Variants in MRTFB observed in about 807,000 individuals in gnomAD.
MRTFB encodes the protein myocardin related transcription factor B.
MRTFB carries 29 observed loss-of-function variants against 104.2 expected under a neutral mutation model. The observed-to-expected ratio is 0.28, with a 90% confidence interval of 0.21 to 0.38. The LOEUF (loss-of-function observed/expected upper bound fraction) is 0.38, where lower values mean the gene tolerates loss of function less well. Among genes scored for constraint, MRTFB ranks in the 10% least tolerant of loss-of-function variants. MRTFB has a pLI of 1.00. For synonymous variants in MRTFB, 535 were observed against 519.5 expected, an observed-to-expected ratio of 1.03 and a Z score of -0.41; for missense variants, 1,270 against 1,341.6, an observed-to-expected ratio of 0.95 and a Z score of 0.83.
chr16:14,080,897 A>G (rs563592558), intron 2 of MRTFB, among the ~76,000 whole-genome samples: 5 of 152,340 alleles, frequency 3.3e-5, no homozygotes, highest in African/African-American at 9.6e-5. Context: ...TTCGTTATCC[A>G]TTCATCTGTT....
At chr16:14,102,943 A>G (rs958914956) in intron 2 of MRTFB, among the ~76,000 whole-genome samples, 15 of 152,222 alleles carry the variant, frequency 9.9e-5, no homozygotes, top group African/African-American at 3.4e-4. Context: ...TGAGTGATAC[A>G]AAGTCTTGGA....
chr16:14,205,176 ATTTTCT>A (rs1477629363), intron 3 of MRTFB, among the ~76,000 whole-genome samples: 4 of 151,978 alleles, frequency 2.6e-5, no homozygotes, highest in Non-Finnish European at 5.9e-5. Context: ...ATTATCGGTG[ATTTTCT>A]TTTTTAGTTT....
intron 2 of MRTFB, among the ~76,000 whole-genome samples, chr16:14,108,201 T>C (rs1194326270): frequency 2.6e-5 from 4 of 152,190 alleles, no homozygotes; most frequent in African/African-American, 9.7e-5. Context: ...GGAGTAGTAT[T>C]GGGGTGGGTT....
chr16:14,079,012 T>G (rs2034238640), intron 1 of MRTFB, among the ~76,000 whole-genome samples: 1 of 152,206 alleles, frequency 6.6e-6, no homozygotes, highest in South Asian at 2.1e-4. Context: ...GCAGATGCTC[T>G]GAGCCTAGCA....
At chr16:14,239,404 A>G (rs1182258851) in intron 9 of MRTFB, among the ~76,000 whole-genome samples, 2 of 152,256 alleles carry the variant, frequency 1.3e-5, no homozygotes, top group East Asian at 1.9e-4. Flanking sequence ...GGATATGAAT[A>G]TAGATAATGT....
upstream of MRTFB, among the ~76,000 whole-genome samples, chr16:14,071,060 A>ACATGCG (rs564791094): frequency 7.5e-4 from 114 of 152,296 alleles, 3 homozygotes; most frequent in East Asian, 0.016. Flanking sequence ...CGAGCCCCGG[A>ACATGCG]CATGCGCATG....
intron 8 of MRTFB, among the ~76,000 whole-genome samples, chr16:14,221,627 G>A (rs1053462469): frequency 1.3e-5 from 2 of 152,082 alleles, no homozygotes; most frequent in Non-Finnish European, 1.5e-5. Flanking sequence ...CAACATACAC[G>A]TCTTGTCTTT....
At chr16:14,055,123 G>C in the MRTFB span, among the ~76,000 whole-genome samples, 1 of 152,174 alleles carries the variant, frequency 6.6e-6, no homozygotes, top group South Asian at 2.1e-4. Context: ...AGGCTGAGGC[G>C]GGTGGATCAC....
At chr16:14,015,498 A>C in the MRTFB span, among the ~76,000 whole-genome samples, 3 of 152,202 alleles carry the variant, frequency 2.0e-5, no homozygotes. Context: ...CGGATGTGGA[A>C]AGCCCCTCAA....
chr16:14,022,187 G>C, the MRTFB span, among the ~76,000 whole-genome samples: 3 of 152,188 alleles, frequency 2.0e-5, no homozygotes, highest in Non-Finnish European at 4.4e-5. Context: ...GGCTAGTAGA[G>C]TCTACATGTG....
the MRTFB span, among the ~76,000 whole-genome samples, chr16:14,004,161 C>A: frequency 6.6e-6 from 1 of 152,174 alleles, no homozygotes; most frequent in African/African-American, 2.4e-5. Context: ...CAGCCCCGGA[C>A]CTTGATTTCT....
At chr16:14,127,929 ATTTTT>A (rs67001306) in intron 2 of MRTFB, among the ~76,000 whole-genome samples, 61 of 44,566 alleles carry the variant, frequency 1.4e-3, no homozygotes, top group African/African-American at 4.7e-3. Flanking sequence ...ATATATATAT[ATTTTT>A]TTTTTTTTTT....
intron 3 of MRTFB, among the ~76,000 whole-genome samples, chr16:14,156,514 T>C (rs2038833324): frequency 6.6e-6 from 1 of 152,198 alleles, no homozygotes; most frequent in Non-Finnish European, 1.5e-5. Flanking sequence ...TCACTTTTGC[T>C]GTTGATACAG....
the MRTFB span, chr16:14,021,214 C>A: frequency 1.3e-5 from 2 of 152,340 alleles, no homozygotes; most frequent in Non-Finnish European, 2.9e-5. Flanking sequence ...TAAGATCAAT[C>A]TGTTGGCAGG....
chr16:14,117,671 G>T (rs142605594), intron 2 of MRTFB, among the ~76,000 whole-genome samples: 8 of 152,272 alleles, frequency 5.3e-5, no homozygotes, highest in African/African-American at 1.9e-4. Flanking sequence ...GATTCCAGTG[G>T]AGGAGATGGT....
intron 3 of MRTFB, among the ~76,000 whole-genome samples, chr16:14,209,165 T>C (rs1471675880): frequency 6.6e-6 from 1 of 152,242 alleles, no homozygotes; most frequent in Non-Finnish European, 1.5e-5. Flanking sequence ...TCTGCAGGCC[T>C]CAAGGTTTTA....
intron 8 of MRTFB, 22 bp downstream of exon 8, chr16:14,219,020 C>A (rs760750003): frequency 3.1e-5 from 48 of 1,556,226 alleles, no homozygotes; most frequent in Non-Finnish European, 4.2e-5. Flanking sequence ...CTGGTTTTGA[C>A]CCCTAAAGAA....
chr16:14,017,711 A>ATATATATATATATATATT, the MRTFB span, among the ~76,000 whole-genome samples: 2 of 33,612 alleles, frequency 6.0e-5, no homozygotes, highest in Non-Finnish European at 1.0e-4. Context: ...ATATATATAT[A>ATATATATATATATATATT]TTTTTTTTTT....
At chr16:14,245,019 CAA>C (rs1183067704) in intron 10 of MRTFB, among the ~76,000 whole-genome samples, 1 of 152,200 alleles carries the variant, frequency 6.6e-6, no homozygotes, top group Non-Finnish European at 1.5e-5. Context: ...TGGGGCCAGT[CAA>C]GAGCCATGTT....
Sources: gnomAD v4.1 joint callset for allele counts (sites outside exome capture counted in the v4.1 genomes callset) on GRCh38, gnomAD v4.1.1 for gene constraint, MANE v1.5 for transcripts, NCBI Gene and HGNC (gene_info 2026-07-23, HGNC 2026-07-21) for gene names.